LRRTM4: variants seen among roughly 807,000 people sequenced by gnomAD.
LRRTM4 encodes the protein leucine rich repeat transmembrane neuronal 4.
A neutral mutation model predicts 47.6 loss-of-function variants in LRRTM4; 25 were observed. The ratio of observed to expected loss-of-function variants is 0.53; its 90% CI spans 0.38 to 0.73. The LOEUF (loss-of-function observed/expected upper bound fraction) is 0.73. Among genes scored for constraint, LRRTM4 ranks in the 30% least tolerant of loss-of-function variants. The pLI, the probability that LRRTM4 is intolerant of heterozygous loss-of-function variation, is 0.00. For missense variants in LRRTM4, 638 were observed against 713.4 expected, an observed-to-expected ratio of 0.89 and a Z score of 1.20; for synonymous variants, 311 against 269.5, an observed-to-expected ratio of 1.15 and a Z score of -1.51.
chr2:76,788,955 T>C (rs1674825676), intron 3 of LRRTM4, among the ~76,000 whole-genome samples: 1 of 152,200 alleles, frequency 6.6e-6, no homozygotes, highest in Admixed American at 6.5e-5. Flanking sequence ...TTTTCTACAT[T>C]GTACAGATGA....
chr2:76,769,313 C>T (rs1222505389), intron 3 of LRRTM4, among the ~76,000 whole-genome samples: 1 of 152,014 alleles, frequency 6.6e-6, no homozygotes, highest in Non-Finnish European at 1.5e-5. Flanking sequence ...TATTCCCAAT[C>T]ACATGTAGGA....
intron 3 of LRRTM4, among the ~76,000 whole-genome samples, chr2:77,464,659 G>C (rs77161941): frequency 6.6e-6 from 1 of 151,940 alleles, no homozygotes; most frequent in East Asian, 1.9e-4. Context: ...GGCACGTTTT[G>C]TTCTTCAGAA....
intron 3 of LRRTM4, among the ~76,000 whole-genome samples, chr2:76,908,133 A>T (rs1255022089): frequency 2.7e-5 from 4 of 150,430 alleles, no homozygotes; most frequent in Non-Finnish European, 5.9e-5. Context: ...CACATCAAAA[A>T]GCTTATCCAC....
chr2:76,866,559 C>G (rs1401459672), intron 3 of LRRTM4, among the ~76,000 whole-genome samples: 1 of 151,770 alleles, frequency 6.6e-6, no homozygotes, highest in African/African-American at 2.4e-5. Flanking sequence ...TTTTAAAACT[C>G]TGAACTGTAT....
chr2:76,977,007 G>GCCTA (rs1676443881), intron 3 of LRRTM4, among the ~76,000 whole-genome samples: 1 of 105,830 alleles, frequency 9.4e-6, no homozygotes, highest in African/African-American at 7.4e-5. Flanking sequence ...AGCATTAATA[G>GCCTA]GCTGTGTGTG....
chr2:76,790,798 GTTTCTGCC>G, intron 3 of LRRTM4, among the ~76,000 whole-genome samples: 2 of 151,520 alleles, frequency 1.3e-5, no homozygotes, highest in Non-Finnish European at 2.9e-5. Context: ...TAATTTCACT[GTTTCTGCC>G]ATAGAAACAA....
At chr2:77,297,342 A>T (rs2104150126) in intron 3 of LRRTM4, among the ~76,000 whole-genome samples, 1 of 152,288 alleles carries the variant, frequency 6.6e-6, no homozygotes, top group Non-Finnish European at 1.5e-5. Context: ...ACTAAAATTT[A>T]ATGAGACTGA....
chr2:77,319,516 C>A (rs1295034599), intron 3 of LRRTM4, among the ~76,000 whole-genome samples: 1 of 152,162 alleles, frequency 6.6e-6, no homozygotes, highest in Non-Finnish European at 1.5e-5. Context: ...GTTCTCACTG[C>A]GGAGCCTAGG....
At chr2:76,798,840 A>G (rs896038345) in intron 3 of LRRTM4, among the ~76,000 whole-genome samples, 86 of 152,346 alleles carry the variant, frequency 5.6e-4, no homozygotes, top group Non-Finnish European at 1.1e-3. Flanking sequence ...CAAATAAACT[A>G]GAAAATCTAC....
At chr2:76,952,613 G>A (rs571554415) in intron 3 of LRRTM4, among the ~76,000 whole-genome samples, 23 of 151,890 alleles carry the variant, frequency 1.5e-4, no homozygotes, top group African/African-American at 2.2e-4. Flanking sequence ...AGTTCGGCAC[G>A]GTGGAAAACA....
chr2:76,982,987 G>A (rs1253271595), intron 3 of LRRTM4, among the ~76,000 whole-genome samples: 18 of 152,116 alleles, frequency 1.2e-4, no homozygotes, highest in Admixed American at 7.9e-4. Flanking sequence ...AGATCTGATA[G>A]TTATATGATT....
chr2:77,193,950 C>T (rs570518380), intron 3 of LRRTM4, among the ~76,000 whole-genome samples: 16 of 152,128 alleles, frequency 1.1e-4, no homozygotes, highest in Non-Finnish European at 1.6e-4. Flanking sequence ...AGGAATTTAA[C>T]GGGTTAATTT....
intron 3 of LRRTM4, among the ~76,000 whole-genome samples, chr2:77,045,145 ACT>A (rs2103752772): frequency 6.6e-6 from 1 of 151,972 alleles, no homozygotes; most frequent in South Asian, 2.1e-4. Context: ...AAATCTAGTA[ACT>A]CTACATGGAG....
At chr2:77,041,331 T>C (rs974944079) in intron 3 of LRRTM4, among the ~76,000 whole-genome samples, 4 of 151,650 alleles carry the variant, frequency 2.6e-5, no homozygotes, top group African/African-American at 4.8e-5. Flanking sequence ...TGTTGATTGA[T>C]AGACACTTAG....
chr2:77,015,540 G>T (rs537774061), intron 3 of LRRTM4, among the ~76,000 whole-genome samples: 2 of 152,080 alleles, frequency 1.3e-5, no homozygotes, highest in East Asian at 3.9e-4. Flanking sequence ...TGGTCAGGCT[G>T]GTCTCGAACT....
At chr2:76,819,510 T>A (rs1670995644) in intron 3 of LRRTM4, among the ~76,000 whole-genome samples, 2 of 151,906 alleles carry the variant, frequency 1.3e-5, no homozygotes, top group Non-Finnish European at 2.9e-5. Flanking sequence ...AACCATATCT[T>A]AACATGCTGT....
chr2:77,293,133 A>G (rs1009035361), intron 3 of LRRTM4, among the ~76,000 whole-genome samples: 1 of 152,136 alleles, frequency 6.6e-6, no homozygotes, highest in Non-Finnish European at 1.5e-5. Flanking sequence ...TTTGGAAAGT[A>G]GAATGAAAAT....
chr2:77,085,333 T>G (rs1680674393), intron 3 of LRRTM4, among the ~76,000 whole-genome samples: 1 of 151,816 alleles, frequency 6.6e-6, no homozygotes, highest in South Asian at 2.1e-4. Context: ...TAAGAATCAT[T>G]GTTTGAAGAG....
intron 3 of LRRTM4, among the ~76,000 whole-genome samples, chr2:76,854,343 T>G (rs568569524): frequency 6.6e-5 from 10 of 152,226 alleles, no homozygotes; most frequent in African/African-American, 2.2e-4. Context: ...GAGAATCTGC[T>G]TTTACTTTTC....
Sources: allele counts gnomAD v4.1 joint callset (sites outside exome capture counted in the v4.1 genomes callset), GRCh38; gene constraint gnomAD v4.1.1; transcripts MANE v1.5; gene names NCBI Gene and HGNC (gene_info 2026-07-23, HGNC 2026-07-21).